The following GRAMD4 variants were observed in gnomAD, a reference collection of about 807,000 sequenced individuals.
The protein encoded by GRAMD4 is GRAM domain containing 4, also known as GRAM domain-containing protein 4.
In GRAMD4, 25 loss-of-function variants were observed where a neutral mutation model predicts 83.9. That is an observed-to-expected ratio of 0.30 (90% CI 0.22 to 0.42). The LOEUF (loss-of-function observed/expected upper bound fraction) is 0.42, where lower values mean the gene tolerates loss of function less well. GRAMD4 is among the 10% of genes least tolerant of loss of function. GRAMD4 has a pLI of 1.00. For missense variants in GRAMD4, 593 were observed against 788.7 expected (o/e 0.75, Z 2.97); for synonymous variants, 336 against 320.9 (o/e 1.05, Z -0.50).
upstream of GRAMD4, among the ~76,000 whole-genome samples, chr22:46,615,595 C>CTGTG (rs2081472999): frequency 8.6e-6 from 1 of 116,788 alleles, no homozygotes; most frequent in South Asian, 3.2e-4. Flanking sequence ...GTAGGTTCCC[C>CTGTG]CGTGTGTAGG....
chr22:46,588,728 A>G (rs1470225731), intron 1 of GRAMD4, among the ~76,000 whole-genome samples: 2 of 109,392 alleles, frequency 1.8e-5, no homozygotes, highest in African/African-American at 1.1e-4. Flanking sequence ...CGCCCTCTCC[A>G]TCCCCGGGGT....
chr22:46,600,278 G>C (rs957798449), intron 1 of GRAMD4, among the ~76,000 whole-genome samples: 2 of 152,176 alleles, frequency 1.3e-5, no homozygotes, highest in African/African-American at 2.4e-5. Flanking sequence ...CCATCAGAGA[G>C]AGCGTGCAAA....
intron 1 of GRAMD4, among the ~76,000 whole-genome samples, chr22:46,589,920 C>G (rs1436479535): frequency 6.6e-6 from 1 of 152,204 alleles, no homozygotes; most frequent in Non-Finnish European, 1.5e-5. Flanking sequence ...GCAGCTTTCT[C>G]CCTACCCCTT....
rs767968704 is a variant in GRAMD4 at position 46,677,286 on chromosome 22, T to TTTTCTA, written c.*40_*41insATTTCT. On this transcript the variant is annotated 3_prime_UTR_variant, in exon 19 of 19. Coordinates refer to ENST00000406902, the MANE Select transcript of GRAMD4 (RefSeq NM_015124.5). ...GCCCAGGACGTTGCTGGAATTTTCT[T>TTTTCTA]TTTCTTTTTCTTTTTCTTTTTTTTT... The TTTTCTA allele has an allele frequency of 1.6e-4, 249 of 1,558,978 alleles. 1 individual carries two copies. The African/African-American group carries it at 2.9e-3, about 18-fold the overall frequency.
At chr22:46,611,543 T>C (rs564321920) in intron 1 of GRAMD4, among the ~76,000 whole-genome samples, 2 of 152,242 alleles carry the variant, frequency 1.3e-5, no homozygotes, top group African/African-American at 4.8e-5. Flanking sequence ...AACATTGTGA[T>C]TGGGGTAGGG....
chr22:46,613,070 C>T (rs911269107), intron 1 of GRAMD4, among the ~76,000 whole-genome samples: 1 of 152,262 alleles, frequency 6.6e-6, no homozygotes, highest in Non-Finnish European at 1.5e-5. Context: ...GACAGCGCTG[C>T]CTCCCCAGCG....
chr22:46,659,705 CTGGGGGGCTCAT>C lies in GRAMD4; in HGVS notation c.404+1399_404+1410del, dbSNP rs1343010340. Among the ~76,000 whole-genome samples the C allele has an allele frequency of 6.6e-6, 1 of 150,792 alleles. No homozygotes were observed. Among genetic ancestry groups the C allele is most frequent in the Non-Finnish European group, 1.5e-5 (1 of 67,768 alleles). On this transcript the variant is annotated intron_variant, in intron 4 of 18. Transcript: ENST00000406902. This position sits in a 1 kb window ranked among gnomAD's most constrained non-coding sequence, Gnocchi z 4.1. ...GGTCAGCATGACCTTGTGGAGTGCC[CTGGGGGGCTCAT>C]GTGGGGGCTCATGTGGGGGCATCCA...
Position 46,664,059 on chromosome 22 carries a change from A to T in GRAMD4, c.659A>T (p.Lys220Met). Residue 220 changes from lysine to methionine, a missense_variant, in exon 8 of 19, where the codon AAG becomes ATG. Lys to Met is a moderately conservative substitution (Grantham distance 95). Around this residue, in one of 4 missense-constraint regions of GRAMD4, gnomAD observed 312 missense variants for 350.7 expected, o/e 0.89. Transcript: ENST00000406902. The stretch of plus-strand genomic sequence containing the variant: ...GCCAAGCCGGTCACTAACTTTGTGA[A>T]GAACCTCTCTGCCTTATCCGACTGG... ...RGAKPVTNFV[K>M]NLSALSDWYS... The T allele has an allele frequency of 6.8e-6, 11 of 1,613,630 alleles. No homozygotes were observed. Among genetic ancestry groups the T allele is most frequent in the Non-Finnish European group, 8.5e-6 (10 of 1,179,934 alleles).
intron 1 of GRAMD4, among the ~76,000 whole-genome samples, chr22:46,595,152 G>A (rs1385156016): frequency 1.3e-5 from 2 of 152,152 alleles, no homozygotes; most frequent in African/African-American, 2.4e-5. Context: ...ACAGGGTGGG[G>A]GAAGTGAAGT....
At chr22:46,673,482 TG>T (rs1487471983) in intron 14 of GRAMD4, among the ~76,000 whole-genome samples, 187 bp from the exon 15 acceptor site, 1 of 152,250 alleles carries the variant, frequency 6.6e-6, no homozygotes, top group Non-Finnish European at 1.5e-5. Context: ...GGAGGGTTGC[TG>T]GGCTCTCCCC....
chr22:46,600,703 G>A (rs1602317674), intron 1 of GRAMD4, among the ~76,000 whole-genome samples: 2 of 152,200 alleles, frequency 1.3e-5, no homozygotes, highest in South Asian at 2.1e-4. Context: ...GGACACTGGC[G>A]AGTCTTTGTG....
chr22:46,673,908 G>A (rs2082553993), intron 15 of GRAMD4, 94 bp downstream of exon 15: 1 of 1,381,920 alleles, frequency 7.2e-7, no homozygotes, highest in African/African-American at 1.4e-5. Context: ...GGGTCGCCCT[G>A]TGACAGGCCA....
At chr22:46,624,858 ATTTT>A (rs138482) in intron 1 of GRAMD4, among the ~76,000 whole-genome samples, 2 of 116,708 alleles carry the variant, frequency 1.7e-5, no homozygotes, top group Admixed American at 8.6e-5. Flanking sequence ...GTCCTGTGGG[ATTTT>A]TTTTTTTTTT....
At chr22:46,605,490 T>G (rs2081356154) in intron 1 of GRAMD4, among the ~76,000 whole-genome samples, 1 of 152,260 alleles carries the variant, frequency 6.6e-6, no homozygotes, top group Non-Finnish European at 1.5e-5. Context: ...TTGGATCATA[T>G]GGTAGTTCTA....
At chr22:46,583,520 A>G (rs578083583) in intron 1 of GRAMD4, among the ~76,000 whole-genome samples, 5 of 152,370 alleles carry the variant, frequency 3.3e-5, no homozygotes, top group East Asian at 3.9e-4. Context: ...TTGCTATGAC[A>G]GCTTCTCAGA....
intron 1 of GRAMD4, among the ~76,000 whole-genome samples, chr22:46,607,357 G>A (rs1339885522): frequency 2.6e-5 from 4 of 152,128 alleles, no homozygotes; most frequent in African/African-American, 4.8e-5. Flanking sequence ...AAAAAGGAGG[G>A]GTCATAATAA....
At chr22:46,624,324 CT>C (rs577618843) in intron 1 of GRAMD4, among the ~76,000 whole-genome samples, 99 of 69,540 alleles carry the variant, frequency 1.4e-3, no homozygotes, top group Admixed American at 2.7e-3. Context: ...TTCCCTCTTC[CT>C]TTTTTTTTTT....
chr22:46,609,494 T>G (rs745750034), intron 1 of GRAMD4, among the ~76,000 whole-genome samples: 11 of 152,206 alleles, frequency 7.2e-5, no homozygotes, highest in Admixed American at 3.9e-4. Context: ...ACAAAGGCTC[T>G]TTTCACGGGA....
At position 46,621,926 on chromosome 22, in the gene GRAMD4, G is replaced by A. The variant is rs866145379; in HGVS notation, c.-50+1361G>A. Among the ~76,000 whole-genome samples the A allele has an allele frequency of 7.9e-5, 12 of 152,214 alleles. No homozygotes were observed. The highest frequency in any genetic ancestry group is 2.0e-4 in the Admixed American group (3 of 15,286). ...CAGGGAGTTGGGTGAGGAGGGTGGT[G>A]GAGTCAGTGGGGCTGAGAGCAGGGT... On this transcript the variant is annotated intron_variant, in intron 1 of 18. Transcript: ENST00000406902. The surrounding 1 kb of genome is among the most constrained non-coding windows in gnomAD (Gnocchi z 5.8).
Sources: gnomAD v4.1 joint callset for allele counts (sites outside exome capture counted in the v4.1 genomes callset) on GRCh38, gnomAD v4.1.1 for gene constraint, gnomAD v4.1.1 regional missense constraint, Gnocchi (gnomAD v3.1) non-coding constraint, MANE v1.5 for transcripts, NCBI Gene and HGNC (gene_info 2026-07-23, HGNC 2026-07-21) for gene names.